The following ZFYVE26 variants were observed in gnomAD, a reference collection of about 807,000 sequenced individuals.
ZFYVE26 encodes zinc finger FYVE domain-containing protein 26.
A neutral mutation model predicts 276.5 loss-of-function variants in ZFYVE26; 181 were observed. The observed-to-expected ratio is 0.65, with a 90% CI of 0.58 to 0.74. The LOEUF is 0.74. Among genes scored for constraint, ZFYVE26 ranks in the 30% least tolerant of loss-of-function variants. The probability of loss-of-function intolerance (pLI) is 0.00; values close to 1 mark genes in which losing one functional copy is unlikely to be tolerated. For synonymous variants in ZFYVE26, 1,129 were observed against 1,203.1 expected (o/e 0.94, Z 1.27); for missense variants, 2,821 against 3,097.9 (o/e 0.91, Z 2.12).
chr14:67,805,921 G>A (rs2040171120), intron 6 of ZFYVE26, among the ~76,000 whole-genome samples: 1 of 152,152 alleles, frequency 6.6e-6, no homozygotes, highest in Non-Finnish European at 1.5e-5. Flanking sequence ...CAGCTACTTG[G>A]GAGGCTGAGG....
chr14:67,800,141 A>T (rs1394641879), intron 10 of ZFYVE26, among the ~76,000 whole-genome samples: 1 of 152,206 alleles, frequency 6.6e-6, no homozygotes, highest in African/African-American at 2.4e-5. Context: ...CATTTTTGTA[A>T]GAGTTGTATA....
chr14:67,732,664 C>T (rs1359214175), intron 13 of ZFYVE26, among the ~76,000 whole-genome samples: 1 of 152,074 alleles, frequency 6.6e-6, no homozygotes, highest in East Asian at 1.9e-4. Flanking sequence ...GCAACCTCTG[C>T]CTCCTGGGTT....
At chr14:67,789,627 A>T in intron 15 of ZFYVE26, 29 bp from the exon 16 acceptor site, 1 of 1,613,712 alleles carries the variant, frequency 6.2e-7, no homozygotes, top group Non-Finnish European at 8.5e-7. Flanking sequence ...AATAAAAAGC[A>T]AAGGGTTAAA....
chr14:67,757,265 G>A (rs890626906), intron 35 of ZFYVE26, among the ~76,000 whole-genome samples: 3 of 152,182 alleles, frequency 2.0e-5, no homozygotes, highest in East Asian at 1.9e-4. Context: ...GCCAGATCAC[G>A]TTACTCCTCT....
intron 12 of ZFYVE26, among the ~76,000 whole-genome samples, chr14:67,795,630 C>T (rs967548105): frequency 2.0e-5 from 3 of 152,072 alleles, no homozygotes; most frequent in Non-Finnish European, 2.9e-5. Context: ...CTCATGAATT[C>T]CTTTTAATTT....
chr14:67,785,991 T>G lies in ZFYVE26; in HGVS notation c.3171A>C (p.Pro1057=). The G allele has an allele frequency of 6.2e-7, 1 of 1,614,122 alleles. No homozygotes were observed. The highest frequency in any genetic ancestry group is 8.5e-7 in the Non-Finnish European group (1 of 1,180,054). Residue 1057 remains proline (P), a synonymous_variant, in exon 18 of 42, where the codon CCA becomes CCC. Transcript: ENST00000347230. ...GAAGCAGTTCAGTGATGCTGCACCG[T>G]GGAGGGCCTCCTCCCTTTTCTTCCA... ...ESVEEKGGGP[P]RCSITELLQM...
intron 22 of ZFYVE26, 127 bp from the exon 23 acceptor site, chr14:67,780,472 C>G: frequency 1.2e-6 from 1 of 854,248 alleles, no homozygotes. Context: ...TCAGAACTTG[C>G]CAGAAAAGAG....
chr14:67,744,098 T>C (rs1395063502), downstream of ZFYVE26, among the ~76,000 whole-genome samples: 1 of 152,194 alleles, frequency 6.6e-6, no homozygotes. Context: ...GAATAAGAGA[T>C]GAAGGCCAGG....
At chr14:67,814,942 A>G (rs2040372024) in intron 2 of ZFYVE26, among the ~76,000 whole-genome samples, 1 of 152,210 alleles carries the variant, frequency 6.6e-6, no homozygotes, top group Admixed American at 6.5e-5. Context: ...CCAAGGAAAG[A>G]CTTAAAACGG....
chr14:67,805,540 T>G lies in ZFYVE26; in HGVS notation c.1096A>C (p.Ser366Arg), dbSNP rs778058687. Residue 366 changes from serine (S) to arginine (R), a missense_variant, in exon 7 of 42, where the codon AGT (serine) becomes CGT (arginine). Coordinates refer to ENST00000347230, the MANE Select transcript of ZFYVE26 (RefSeq NM_015346.4). ...CAGCCCAGGAGTACAAGCAGGCAAC[T>G]GAGGGGCCTGAATTCTCTATCAAGT... The part of the protein sequence containing the change: ...CLLDREFRPL[S>R]CLLVLLGWTH... 1 of 1,614,208 alleles carries G rather than the reference T, an allele frequency of 6.2e-7. No individual in the cohort carries two copies. Among genetic ancestry groups the G allele is most frequent in the Non-Finnish European group, 8.5e-7 (1 of 1,180,044 alleles).
intron 28 of ZFYVE26, chr14:67,770,052 C>A: frequency 2.5e-6 from 1 of 398,376 alleles, no homozygotes; most frequent in Non-Finnish European, 4.8e-6. Context: ...CAGTGCAGAT[C>A]ACATTTCTAC....
Position 67,807,547 on chromosome 14 carries a change from G to T in ZFYVE26, c.737C>A (p.Ala246Asp), listed in dbSNP as rs367929006. 1.9e-6 allele frequency: 3 copies of T among 1,614,086 alleles called. No homozygotes were observed. The highest frequency in any genetic ancestry group is 1.3e-5 in the African/African-American group (1 of 74,936). Residue 246 changes from alanine (A) to aspartate (D), a missense_variant, in exon 5 of 42, where the codon GCC becomes GAC. Coordinates refer to ENST00000347230, the MANE Select transcript of ZFYVE26 (RefSeq NM_015346.4). The part of the protein sequence containing the change: ...LHLLCEELLE[A>D]CRTEGSPLRE... ...CAGGGGACTCCCCTCGGTCCTGCAG[G>T]CCTCTAGTAGTTCCTCACACAGGAG...
At position 67,778,226 on chromosome 14, in the gene ZFYVE26, C is replaced by A; in HGVS notation, c.4697G>T (p.Trp1566Leu). Residue 1566 changes from tryptophan to leucine, a missense_variant, in exon 24 of 42, where the codon TGG becomes TTG. Trp to Leu is a moderately conservative substitution (Grantham distance 61). Coordinates refer to ENST00000347230, the MANE Select transcript of ZFYVE26 (RefSeq NM_015346.4). ...TCTTGGAATGGGGTACAGGCAGCCC[C>A]ACTCTTCACACAGTTCATACTCCTG... Reference protein sequence around the residue: ...EAQEYELCEEWGCLYPIPREH... With the variant: ...EAQEYELCEELGCLYPIPREH... The A allele has an allele frequency of 6.2e-7, 1 of 1,614,188 alleles. No homozygotes were observed. The highest frequency in any genetic ancestry group is 8.5e-7 in the Non-Finnish European group (1 of 1,180,022).
At chr14:67,812,861 G>T (rs2040330984) in intron 3 of ZFYVE26, among the ~76,000 whole-genome samples, 1 of 152,098 alleles carries the variant, frequency 6.6e-6, no homozygotes, top group Admixed American at 6.6e-5. Context: ...GTAACTATAG[G>T]TTACTATTTT....
chr14:67,762,966 G>A (rs1047907511), intron 32 of ZFYVE26, 147 bp from the exon 33 acceptor site: 102 of 1,148,906 alleles, frequency 8.9e-5, no homozygotes, highest in Non-Finnish European at 1.1e-4. Flanking sequence ...GCAGTGGTCC[G>A]ATCTCGGCTC....
In ZFYVE26 at chr14:67,789,321, C is replaced by A. The variant is rs1180490483; in HGVS notation, c.3019+14G>T. 6.2e-6 allele frequency: 10 copies of A among 1,614,020 alleles called. No homozygotes were observed. Among genetic ancestry groups the A allele is most frequent in the Non-Finnish European group, 8.5e-6 (10 of 1,180,036 alleles). On this transcript the variant is annotated intron_variant, in intron 16 of 41. Coordinates refer to ENST00000347230, the MANE Select transcript of ZFYVE26 (RefSeq NM_015346.4). ...TTTGAGAATGAAGGGATACAGCTAA[C>A]ACAGCACACTCACCCCGCCTTTCAA... is the stretch of plus-strand genomic sequence containing the variant.
rs772662716 is a variant in ZFYVE26, at chr14:67,798,368, G to A, written c.1894C>T (p.Arg632Trp). 1.2e-6 allele frequency: 2 copies of A among 1,609,996 alleles called. No homozygotes were observed. Among genetic ancestry groups the A allele is most frequent in the Non-Finnish European group, 1.7e-6 (2 of 1,177,522 alleles). ...HIAHPERKSE[R>W]GSLGVPKTLA... ...GTCTTTGGGACTCCCAGGGAACCCCGTTCTGACTTCCTTTCAGGATGTGCT... is the reference window on the plus strand; with the variant it reads ...GTCTTTGGGACTCCCAGGGAACCCCATTCTGACTTCCTTTCAGGATGTGCT... Residue 632 changes from arginine (R) to tryptophan (W), a missense_variant, in exon 11 of 42, where the codon CGG becomes TGG. By Grantham distance (101) the Arg-to-Trp change is moderately radical. Transcript: ENST00000347230.
At position 67,798,471 on chromosome 14, in the gene ZFYVE26, C is replaced by T. The variant is rs1225733621; in HGVS notation, c.1791G>A (p.Glu597=). Residue 597 remains glutamate, a synonymous_variant, in exon 11 of 42, where the codon GAG becomes GAA. Transcript: ENST00000347230. Reference sequence around the variant, plus strand: ...CAATGTCATCATCCTCAGCATAGTCCTCAGGCAAGTGAGGCTCTGGGTGAA... The same window carrying T: ...CAATGTCATCATCCTCAGCATAGTCTTCAGGCAAGTGAGGCTCTGGGTGAA... ...ADLHPEPHLP[E]DYAEDDDIEG... The T allele has an allele frequency of 6.2e-7, 1 of 1,614,164 alleles. No homozygotes were observed. The highest frequency in any genetic ancestry group is 2.2e-5 in the East Asian group (1 of 44,888).
chr14:67,735,345 C>T, intron 13 of ZFYVE26: 1 of 765,788 alleles, frequency 1.3e-6, no homozygotes, highest in East Asian at 2.5e-5. Context: ...ATCTAGTCTG[C>T]TCAGCCTGGG....
Sources: gnomAD v4.1 joint callset for allele counts (sites outside exome capture counted in the v4.1 genomes callset) on GRCh38, gnomAD v4.1.1 for gene constraint, MANE v1.5 for transcripts, NCBI Gene and HGNC (gene_info 2026-07-23, HGNC 2026-07-21) for gene names.